The following SEMA3B variants were observed in gnomAD, a reference collection of about 807,000 sequenced individuals.
SEMA3B encodes semaphorin 3B.
SEMA3B carries 71 observed loss-of-function variants against 77.8 expected under a neutral mutation model. The ratio of observed to expected loss-of-function variants is 0.91; its 90% CI spans 0.75 to 1.11. The LOEUF (loss-of-function observed/expected upper bound fraction) is 1.11, where lower values mean the gene tolerates loss of function less well. SEMA3B is among the 50% of genes most tolerant of loss of function. SEMA3B has a pLI of 0.00. For missense variants in SEMA3B, 968 were observed against 1,056.8 expected, an observed-to-expected ratio of 0.92 and a Z score of 1.17; for synonymous variants, 470 against 452.9, an observed-to-expected ratio of 1.04 and a Z score of -0.48.
rs1553706235 is a variant in SEMA3B at position 50,275,016 on chromosome 3, C to T, written c.1454C>T (p.Ser485Leu). 3.8e-6 allele frequency: 6 copies of T among 1,593,610 alleles called. No individual in the cohort carries two copies. The African/African-American group carries it at 4.0e-5, about 11-fold the overall frequency. ...GTCGCCCCTCCTCCCTCTCAGGACTCGGCCGCTGTCACCAGCATGCAAATT... is the reference window on the plus strand; with the variant it reads ...GTCGCCCCTCCTCCCTCTCAGGACTTGGCCGCTGTCACCAGCATGCAAATT... ...LLEELHVFED[S>L]AAVTSMQISS... Residue 485 changes from serine to leucine, a missense_variant, in exon 13 of 17, where the codon TCG (serine) becomes TTG (leucine). Transcript: ENST00000616701. This position sits in a 1 kb window ranked among gnomAD's most constrained non-coding sequence, Gnocchi z 7.5.
Position 50,271,186 on chromosome 3 carries a change from G to A in SEMA3B, c.544+5G>A, listed in dbSNP as rs1701039066. ...GGGCTGCCTCCGTGCTGGTGGGTGA[G>A]TCCAAGGGCTAAGGCCCCAAGAGAA... On this transcript the variant is annotated splice_donor_5th_base_variant and intron_variant, in intron 5 of 16. Transcript: ENST00000616701. 2 of 1,565,272 alleles carry A rather than the reference G, an allele frequency of 1.3e-6. No individual in the cohort carries two copies. Among genetic ancestry groups the A allele is most frequent in the Non-Finnish European group, 1.7e-6 (2 of 1,155,110 alleles).
chr3:50,273,790 C>T lies in SEMA3B; in HGVS notation c.954C>T (p.His318=). Reference sequence around the variant, plus strand: ...TGTTTCTGTTGTCCTCGCGGGACCACCGGACCCCGCTGCTCTATGCCGTCT... The same window carrying T: ...TGTTTCTGTTGTCCTCGCGGGACCATCGGACCCCGCTGCTCTATGCCGTCT... ...QDVFLLSSRD[H]RTPLLYAVFS... Residue 318 remains histidine, a synonymous_variant, in exon 9 of 17, where the codon CAC becomes CAT. Coordinates refer to ENST00000616701, the MANE Select transcript of SEMA3B (RefSeq NM_001290060.2). This position sits in a 1 kb window ranked among gnomAD's most constrained non-coding sequence, Gnocchi z 6.5. 6.3e-7 allele frequency: 1 copy of T among 1,592,184 alleles called. No homozygotes were observed. The highest frequency in any genetic ancestry group is 1.1e-5 in the South Asian group (1 of 88,758).
At chr3:50,260,372 C>T in the SEMA3B span, 6 of 152,238 alleles carry the variant, frequency 3.9e-5, no homozygotes, top group Non-Finnish European at 7.3e-5. Context: ...GGGACCCCGT[C>T]CCCGCACACC....
chr3:50,270,604 G>A lies in SEMA3B; in HGVS notation c.330+109G>A. ...CTGTTCTGGCTGGGATGAGGGCAGGGAGGTCGAGGTGGCTGAGGTCTGGGG... is the reference window on the plus strand; with the variant it reads ...CTGTTCTGGCTGGGATGAGGGCAGGAAGGTCGAGGTGGCTGAGGTCTGGGG... On this transcript the variant is annotated intron_variant, in intron 3 of 16. Transcript: ENST00000616701. This position sits in a 1 kb window ranked among gnomAD's most constrained non-coding sequence, Gnocchi z 4.7. The A allele has an allele frequency of 6.7e-7, 1 of 1,483,762 alleles. No homozygotes were observed. The highest frequency in any genetic ancestry group is 9.2e-7 in the Non-Finnish European group (1 of 1,083,922). 91.9% of individuals were successfully genotyped at this position (1,483,762 alleles called of 1,614,324 possible). A position where few individuals can be genotyped will look rare whatever the true frequency, so the allele number is the denominator to read the frequency against.
At position 50,275,807 on chromosome 3, in the gene SEMA3B, G is replaced by A. The variant is rs782097953; in HGVS notation, c.1808G>A (p.Trp603Ter). 6.2e-7 allele frequency: 1 copy of A among 1,610,698 alleles called. No individual in the cohort carries two copies. The highest frequency in any genetic ancestry group is 1.1e-5 in the South Asian group (1 of 90,964). The change falls in exon 16 of 17, where the codon TGG becomes TAG. Residue 603 changes from tryptophan (W) to a stop codon, truncating the protein, a stop_gained. Coordinates refer to ENST00000616701, the MANE Select transcript of SEMA3B (RefSeq NM_001290060.2). LOFTEE classifies it low-confidence loss of function (END_TRUNC). The surrounding 1 kb of genome is among the most constrained non-coding windows in gnomAD (Gnocchi z 7.5). ...CGCTCGCTGCAGGCGCGCGTGGAGT[G>A]GACTTTCCAGCGCGCAGGGGTGACA... ...EPRSLQARVE[W>*]TFQRAGVTAH...
upstream of SEMA3B, chr3:50,268,831 A>C: frequency 5.1e-6 from 1 of 196,266 alleles, no homozygotes; most frequent in Non-Finnish European, 1.1e-5. Flanking sequence ...GACCTTGTCT[A>C]TGTCTCCCAG....
At chr3:50,269,060 T>C (rs917371886), upstream of SEMA3B, 12 of 593,524 alleles carry the variant, frequency 2.0e-5, no homozygotes, top group Admixed American at 1.5e-4. The surrounding 1 kb of genome is among the most constrained non-coding windows in gnomAD (Gnocchi z 4.0). Context: ...GGAAGTGGAA[T>C]GCGACCCCCC....
upstream of SEMA3B, among the ~76,000 whole-genome samples, chr3:50,263,707 C>A (rs1192267922): frequency 6.6e-6 from 1 of 151,722 alleles, no homozygotes; most frequent in Non-Finnish European, 1.5e-5. Context: ...CAGTGCTTGT[C>A]CTAAGTAAGA....
At chr3:50,260,398 G>A in the SEMA3B span, 1 of 152,364 alleles carries the variant, frequency 6.6e-6, no homozygotes, top group African/African-American at 2.4e-5. Flanking sequence ...GTGCCCCGTA[G>A]CTTCGGCCGC....
chr3:50,276,835 G>A lies in SEMA3B; in HGVS notation c.*129G>A. 6 of 1,137,496 alleles carry A rather than the reference G, an allele frequency of 5.3e-6. No individual in the cohort carries two copies. Among genetic ancestry groups the A allele is most frequent in the Non-Finnish European group, 7.0e-6 (6 of 852,042 alleles). 70.5% of individuals were successfully genotyped at this position (1,137,496 alleles called of 1,614,324 possible). ...TCACCGGCCGATGGAGACACCAACCGACAGGCCCTGGCTGAGGGCAGCTGC... is the reference window on the plus strand; with the variant it reads ...TCACCGGCCGATGGAGACACCAACCAACAGGCCCTGGCTGAGGGCAGCTGC... On this transcript the variant is annotated 3_prime_UTR_variant, in exon 17 of 17. Transcript: ENST00000616701. The surrounding 1 kb of genome is among the most constrained non-coding windows in gnomAD (Gnocchi z 5.8).
the SEMA3B span, chr3:50,260,799 C>G: frequency 6.6e-6 from 1 of 152,362 alleles, no homozygotes; most frequent in African/African-American, 2.4e-5. Context: ...CAGGATTGCC[C>G]TGGTGCCGTC....
chr3:50,275,698 C>G lies in SEMA3B; in HGVS notation c.1706-7C>G. ...TTGCCTAAATCTGACTTTCTTCTCGCCCCAAGACTCGTCTCGTCCCGCGCT... is the reference window on the plus strand; with the variant it reads ...TTGCCTAAATCTGACTTTCTTCTCGGCCCAAGACTCGTCTCGTCCCGCGCT... On this transcript the variant is annotated splice_region_variant and splice_polypyrimidine_tract_variant and intron_variant, in intron 15 of 16. Transcript: ENST00000616701. This position sits in a 1 kb window ranked among gnomAD's most constrained non-coding sequence, Gnocchi z 7.5. The G allele has an allele frequency of 6.2e-7, 1 of 1,612,514 alleles. No individual in the cohort carries two copies. Among genetic ancestry groups the G allele is most frequent in the Non-Finnish European group, 8.5e-7 (1 of 1,178,914 alleles).
rs950179623 is a variant in SEMA3B at position 50,269,311 on chromosome 3, C to T, written c.71C>T (p.Ala24Val). The change falls in exon 1 of 17, where the codon GCC becomes GTC. Residue 24 changes from alanine (A) to valine (V), a missense_variant. Coordinates refer to ENST00000616701, the MANE Select transcript of SEMA3B (RefSeq NM_001290060.2). This position sits in a 1 kb window ranked among gnomAD's most constrained non-coding sequence, Gnocchi z 4.0. ...CTCTGGGCAGTGGGGCTGGGGAGTGCCGCCCCCAGCCCCCCACGCCTTCGG... is the reference window on the plus strand; with the variant it reads ...CTCTGGGCAGTGGGGCTGGGGAGTGTCGCCCCCAGCCCCCCACGCCTTCGG... ...ALLWAVGLGS[A>V]APSPPRLRLS... The T allele has an allele frequency of 6.5e-7, 1 of 1,527,896 alleles. No individual in the cohort carries two copies. Among genetic ancestry groups the T allele is most frequent in the South Asian group, 1.2e-5 (1 of 82,746 alleles). 94.6% of individuals were successfully genotyped at this position (1,527,896 alleles called of 1,614,324 possible).
rs587762304 is a variant in SEMA3B at position 50,273,030 on chromosome 3, G to C, written c.665-268G>C. On this transcript the variant is annotated intron_variant, in intron 6 of 16. Coordinates refer to ENST00000616701, the MANE Select transcript of SEMA3B (RefSeq NM_001290060.2). The surrounding 1 kb of genome is among the most constrained non-coding windows in gnomAD (Gnocchi z 6.5). Reference sequence around the variant, plus strand: ...AGGTGCTGGGCGACGTGTGGGGCGAGATCGGAGGCTAGCCGGGCTTCACGC... The same window carrying C: ...AGGTGCTGGGCGACGTGTGGGGCGACATCGGAGGCTAGCCGGGCTTCACGC... 1 of 466,652 alleles carries C rather than the reference G, an allele frequency of 2.1e-6. No individual in the cohort carries two copies. Among genetic ancestry groups the C allele is most frequent in the South Asian group, 2.4e-5 (1 of 41,654 alleles). 28.9% of individuals were successfully genotyped at this position (466,652 alleles called of 1,614,324 possible).
chr3:50,276,600 C>A lies in SEMA3B; in HGVS notation c.2144C>A (p.Ala715Glu). The change falls in exon 17 of 17, where the codon GCG (alanine) becomes GAG (glutamate). Residue 715 changes from alanine to glutamate, a missense_variant. Coordinates refer to ENST00000616701, the MANE Select transcript of SEMA3B (RefSeq NM_001290060.2). The surrounding 1 kb of genome is among the most constrained non-coding windows in gnomAD (Gnocchi z 5.8). ...CTGCGCATGTGCCGCCCGCAGCCTGCGCTGCAGTCACTGCCCCTGGAGTCG... is the reference window on the plus strand; with the variant it reads ...CTGCGCATGTGCCGCCCGCAGCCTGAGCTGCAGTCACTGCCCCTGGAGTCG... ...NSLRMCRPQP[A>E]LQSLPLESRR... 1 of 1,578,912 alleles carries A rather than the reference C, an allele frequency of 6.3e-7. No individual in the cohort carries two copies. The highest frequency in any genetic ancestry group is 8.6e-7 in the Non-Finnish European group (1 of 1,168,324).
At position 50,270,172 on chromosome 3, in the gene SEMA3B, C is replaced by A; in HGVS notation, c.155C>A (p.Thr52Asn). ...HGLQTFSLER[T>N]CCYQALLVDE... ...CTCCAGACTTTCAGCCTGGAGCGAA[C>A]CTGCTGCTACCAGGCCTTGCTGGTG... The change falls in exon 2 of 17, where the codon ACC becomes AAC. Residue 52 changes from threonine (T) to asparagine (N), a missense_variant. Thr to Asn is a moderately conservative substitution (Grantham distance 65, BLOSUM62 0). Transcript: ENST00000616701. The surrounding 1 kb of genome is among the most constrained non-coding windows in gnomAD (Gnocchi z 4.7). The A allele has an allele frequency of 6.3e-7, 1 of 1,585,910 alleles. No individual in the cohort carries two copies. Among genetic ancestry groups the A allele is most frequent in the Non-Finnish European group, 8.6e-7 (1 of 1,167,484 alleles).
chr3:50,275,784 C>A lies in SEMA3B; in HGVS notation c.1785C>A (p.Arg595=). The part of the protein sequence containing the change: ...GSSAFLECEP[R]SLQARVEWTF... ...GCGCCTTTCTGGAGTGTGAGCCCCG[C>A]TCGCTGCAGGCGCGCGTGGAGTGGA... The change falls in exon 16 of 17, where the codon CGC becomes CGA. Residue 595 remains arginine, a synonymous_variant. Coordinates refer to ENST00000616701, the MANE Select transcript of SEMA3B (RefSeq NM_001290060.2). This position sits in a 1 kb window ranked among gnomAD's most constrained non-coding sequence, Gnocchi z 7.5. 6.2e-7 allele frequency: 1 copy of A among 1,612,666 alleles called. No homozygotes were observed. The highest frequency in any genetic ancestry group is 8.5e-7 in the Non-Finnish European group (1 of 1,179,830).
rs375295508 is a variant in SEMA3B, at chr3:50,275,598, G to C, written c.1688G>C (p.Ser563Thr). ...CAAGACGTAAGGAATGGCGACCCCA[G>C]CACGTTGTGCTCCGGAGGTGAGTGC... The part of the protein sequence containing the change: ...RRQDVRNGDP[S>T]TLCSGDSSRP... The change falls in exon 15 of 17, where the codon AGC becomes ACC. Residue 563 changes from serine (S) to threonine (T), a missense_variant. Ser to Thr is a moderately conservative substitution (Grantham distance 58, BLOSUM62 1). Transcript: ENST00000616701. The surrounding 1 kb of genome is among the most constrained non-coding windows in gnomAD (Gnocchi z 7.5). 1.2e-6 allele frequency: 2 copies of C among 1,613,610 alleles called. No homozygotes were observed. Among genetic ancestry groups the C allele is most frequent in the South Asian group, 1.1e-5 (1 of 91,094 alleles).
In SEMA3B at chr3:50,273,521, G is replaced by C. The variant is rs781942945; in HGVS notation, c.811-14G>C. ...CCCTGGTCTCGCCCTCATCCCCTTT[G>C]ATCGTCCCGGCAGAACGACGTGGGC... On this transcript the variant is annotated splice_polypyrimidine_tract_variant and intron_variant, in intron 7 of 16. Transcript: ENST00000616701. This position sits in a 1 kb window ranked among gnomAD's most constrained non-coding sequence, Gnocchi z 6.5. 6.2e-7 allele frequency: 1 copy of C among 1,611,664 alleles called. No individual in the cohort carries two copies. The highest frequency in any genetic ancestry group is 1.7e-5 in the Admixed American group (1 of 59,972).
Sources: gnomAD v4.1 joint callset for allele counts (sites outside exome capture counted in the v4.1 genomes callset) on GRCh38, gnomAD v4.1.1 for gene constraint, Gnocchi (gnomAD v3.1) non-coding constraint, MANE v1.5 for transcripts, NCBI Gene and HGNC (gene_info 2026-07-23, HGNC 2026-07-21) for gene names.